TNFSF4: variants seen among roughly 807,000 people sequenced by gnomAD.
TNFSF4 encodes tumor necrosis factor ligand superfamily member 4.
In TNFSF4, 4 loss-of-function variants were observed where a neutral mutation model predicts 7.3. That is an observed-to-expected ratio of 0.55 (90% CI 0.27 to 1.25). The LOEUF (loss-of-function observed/expected upper bound fraction) is 1.25, where lower values mean the gene tolerates loss of function less well. Among genes scored for constraint, TNFSF4 ranks in the 50% most tolerant of loss-of-function variants. TNFSF4 has a pLI of 0.12. For synonymous variants in TNFSF4, 76 were observed against 83.7 expected (o/e 0.91, Z 0.50); for missense variants, 181 against 208.8 (o/e 0.87, Z 0.82).
the TNFSF4 span, among the ~76,000 whole-genome samples, chr1:173,318,614 TC>T: frequency 6.6e-6 from 1 of 152,196 alleles, no homozygotes; most frequent in African/African-American, 2.4e-5. Context: ...GGAATATATT[TC>T]TATATACCAG....
At chr1:173,369,762 A>G in the TNFSF4 span, among the ~76,000 whole-genome samples, 1 of 152,204 alleles carries the variant, frequency 6.6e-6, no homozygotes, top group South Asian at 2.1e-4. Context: ...GGGAGCATAA[A>G]TTACAATACT....
chr1:173,422,700 T>C, the TNFSF4 span, among the ~76,000 whole-genome samples: 1 of 152,102 alleles, frequency 6.6e-6, no homozygotes, highest in Admixed American at 6.6e-5. Flanking sequence ...AACAACAAAG[T>C]GTGTGCAGAG....
chr1:173,351,850 C>T, the TNFSF4 span: 1 of 600,652 alleles, frequency 1.7e-6, no homozygotes, highest in South Asian at 1.7e-5. Flanking sequence ...GCCAATGGCA[C>T]AACTGTCCAT....
the TNFSF4 span, among the ~76,000 whole-genome samples, chr1:173,392,637 T>C: frequency 6.6e-6 from 1 of 152,206 alleles, no homozygotes; most frequent in African/African-American, 2.4e-5. Context: ...TATATATCTT[T>C]CTCAAGAAAC....
At chr1:173,252,600 A>T in the TNFSF4 span, among the ~76,000 whole-genome samples, 1 of 152,092 alleles carries the variant, frequency 6.6e-6, no homozygotes, top group Non-Finnish European at 1.5e-5. Flanking sequence ...AAATTTCTCA[A>T]TGTCTATATT....
At chr1:173,395,377 A>ATATAT in the TNFSF4 span, among the ~76,000 whole-genome samples, 8 of 63,236 alleles carry the variant, frequency 1.3e-4, no homozygotes, top group East Asian at 4.5e-3. Context: ...CTGTGTATAT[A>ATATAT]ATATATATAT....
chr1:173,208,004 T>C (rs1003889665), upstream of TNFSF4, among the ~76,000 whole-genome samples: 2 of 152,180 alleles, frequency 1.3e-5, no homozygotes, highest in Non-Finnish European at 1.5e-5. Context: ...CTCCTTTCCT[T>C]CCACTTCACA....
chr1:173,187,537 T>C (rs1396734169), intron 2 of TNFSF4, among the ~76,000 whole-genome samples: 1 of 152,230 alleles, frequency 6.6e-6, no homozygotes, highest in Admixed American at 6.5e-5. Context: ...ATAATGCAGC[T>C]GTGCACACCG....
the TNFSF4 span, among the ~76,000 whole-genome samples, chr1:173,276,538 G>A: frequency 6.6e-6 from 1 of 152,134 alleles, no homozygotes; most frequent in African/African-American, 2.4e-5. Context: ...AGTAGAGAAA[G>A]GAGCCACTGA....
chr1:173,247,743 T>A, the TNFSF4 span, among the ~76,000 whole-genome samples: 1 of 152,220 alleles, frequency 6.6e-6, no homozygotes, highest in Non-Finnish European at 1.5e-5. Context: ...GAAAACTTGA[T>A]CCTACTTGTC....
the TNFSF4 span, chr1:173,362,368 A>C: frequency 1.9e-5 from 7 of 377,352 alleles, no homozygotes; most frequent in African/African-American, 4.2e-5. Flanking sequence ...TTGCACTCAT[A>C]CTGTACGCCT....
chr1:173,217,010 C>G, the TNFSF4 span, among the ~76,000 whole-genome samples: 1 of 152,176 alleles, frequency 6.6e-6, no homozygotes, highest in Non-Finnish European at 1.5e-5. Flanking sequence ...GCCCAAGCTC[C>G]AGGTCCCAAA....
the TNFSF4 span, among the ~76,000 whole-genome samples, chr1:173,419,783 C>T: frequency 2.0e-5 from 3 of 152,210 alleles, no homozygotes; most frequent in East Asian, 3.9e-4. Flanking sequence ...TATGTCCCTG[C>T]TATAATGGAC....
At chr1:173,367,565 G>C in the TNFSF4 span, among the ~76,000 whole-genome samples, 1 of 152,132 alleles carries the variant, frequency 6.6e-6, no homozygotes, top group Non-Finnish European at 1.5e-5. Flanking sequence ...GTAGTGTTAA[G>C]AGTCAGGGGG....
At chr1:173,410,361 G>A in the TNFSF4 span, among the ~76,000 whole-genome samples, 1 of 152,148 alleles carries the variant, frequency 6.6e-6, no homozygotes, top group African/African-American at 2.4e-5. Context: ...AACCTACAAA[G>A]AAGCTCTAAA....
the TNFSF4 span, among the ~76,000 whole-genome samples, chr1:173,329,626 G>A: frequency 6.6e-6 from 1 of 152,032 alleles, no homozygotes; most frequent in East Asian, 1.9e-4. Flanking sequence ...TATACAAGTG[G>A]AAAACAAATT....
chr1:173,384,492 T>C, the TNFSF4 span, among the ~76,000 whole-genome samples: 1 of 152,078 alleles, frequency 6.6e-6, no homozygotes, highest in Non-Finnish European at 1.5e-5. Context: ...ACATTTATTT[T>C]ATAAAAAGCA....
the TNFSF4 span, among the ~76,000 whole-genome samples, chr1:173,297,715 A>T: frequency 3.7e-4 from 56 of 151,992 alleles, no homozygotes; most frequent in African/African-American, 1.2e-3. Context: ...AGGGAAATAG[A>T]TAAATGAATG....
chr1:173,185,492 C>T lies in TNFSF4; in HGVS notation c.*1024G>A, dbSNP rs1007085694. The T allele has an allele frequency of 6.6e-6, 1 of 152,130 alleles. No individual in the cohort carries two copies. The highest frequency in any genetic ancestry group is 1.5e-5 in the Non-Finnish European group (1 of 68,016). The allele number at this position is 152,130 out of a possible 1,614,324, so 9.4% of individuals were successfully genotyped here. A position where few individuals can be genotyped will look rare whatever the true frequency, so the allele number is the denominator to read the frequency against. On this transcript the variant is annotated 3_prime_UTR_variant, in exon 3 of 3. Coordinates refer to ENST00000281834, the MANE Select transcript of TNFSF4 (RefSeq NM_003326.5). ...CATAAGGCACAATAACTTCTTAGTG[C>T]TATTTGACATCAGATTGAATTTGAT...
Sources: gnomAD v4.1 joint callset for allele counts (sites outside exome capture counted in the v4.1 genomes callset) on GRCh38, gnomAD v4.1.1 for gene constraint, MANE v1.5 for transcripts, NCBI Gene and HGNC (gene_info 2026-07-23, HGNC 2026-07-21) for gene names.